Variants in BTBD9 observed in about 807,000 individuals in gnomAD.
The protein encoded by BTBD9 is BTB/POZ domain-containing protein 9.
A neutral mutation model predicts 64.3 loss-of-function variants in BTBD9; 49 were observed. The ratio of observed to expected loss-of-function variants is 0.76; its 90% CI spans 0.61 to 0.97. BTBD9 has a LOEUF of 0.97. BTBD9 is among the 50% of genes least tolerant of loss of function. The pLI is 0.00. For missense variants in BTBD9, 598 were observed against 762.1 expected (o/e 0.78, Z 2.53); for synonymous variants, 260 against 274.7 (o/e 0.95, Z 0.53).
At chr6:38,367,799 C>CAAAAAAAAAAAAAAAAAAAAAAAAAAAAA (rs575025737) in intron 6 of BTBD9, among the ~76,000 whole-genome samples, 1 of 84,296 alleles carries the variant, frequency 1.2e-5, no homozygotes, top group East Asian at 5.2e-4. Flanking sequence ...CCAGAAATGG[C>CAAAAAAAAAAAAAAAAAAAAAAAAAAAAA]AAAAAAAAAA....
At chr6:38,597,087 T>C (rs1777064261) in intron 2 of BTBD9, among the ~76,000 whole-genome samples, 1 of 152,198 alleles carries the variant, frequency 6.6e-6, no homozygotes. Context: ...CCATAGGAGC[T>C]CTAGCTACAG....
At chr6:38,538,592 C>T (rs1385656616) in intron 6 of BTBD9, among the ~76,000 whole-genome samples, 2 of 151,994 alleles carry the variant, frequency 1.3e-5, no homozygotes, top group Non-Finnish European at 2.9e-5. Context: ...TTTTTCATCA[C>T]AATTTACCTT....
intron 6 of BTBD9, 94 bp downstream of exon 6, chr6:38,577,506 T>A: frequency 3.1e-6 from 4 of 1,285,596 alleles, no homozygotes; most frequent in Non-Finnish European, 3.2e-6. Flanking sequence ...CCTGAATAAC[T>A]CTTTTTTCAA....
chr6:38,358,205 T>G (rs537828668), intron 6 of BTBD9, among the ~76,000 whole-genome samples: 1 of 151,956 alleles, frequency 6.6e-6, no homozygotes, highest in Non-Finnish European at 1.5e-5. Context: ...GAACAATCAC[T>G]ATATTCCACA....
intron 9 of BTBD9, among the ~76,000 whole-genome samples, chr6:38,223,107 A>G (rs1174946033): frequency 6.6e-6 from 1 of 151,976 alleles, no homozygotes; most frequent in Non-Finnish European, 1.5e-5. Context: ...AGGTTTCACC[A>G]TGTTGGCCAG....
intron 4 of BTBD9, among the ~76,000 whole-genome samples, chr6:38,589,957 C>T (rs1364072447): frequency 6.6e-6 from 1 of 152,288 alleles, no homozygotes; most frequent in East Asian, 1.9e-4. Flanking sequence ...TTTTTTACTT[C>T]TTTTTCTATA....
chr6:38,368,675 G>A (rs760994310), intron 6 of BTBD9, among the ~76,000 whole-genome samples: 4 of 152,044 alleles, frequency 2.6e-5, no homozygotes, highest in Non-Finnish European at 5.9e-5. Context: ...GAATCTGACA[G>A]AAGTTATGAA....
intron 10 of BTBD9, among the ~76,000 whole-genome samples, chr6:38,180,242 G>A (rs943462097): frequency 3.9e-5 from 6 of 152,216 alleles, no homozygotes; most frequent in Non-Finnish European, 5.9e-5. Flanking sequence ...TCTTGGGAGC[G>A]GGAGTGAAAA....
chr6:38,522,543 C>A (rs946170256), intron 6 of BTBD9, among the ~76,000 whole-genome samples: 7 of 152,224 alleles, frequency 4.6e-5, no homozygotes, highest in Admixed American at 1.3e-4. Context: ...TCTTTGGCTG[C>A]TTTGCCACAT....
chr6:38,409,249 CA>C (rs1007305867), intron 6 of BTBD9, among the ~76,000 whole-genome samples: 2 of 152,010 alleles, frequency 1.3e-5, no homozygotes, highest in Non-Finnish European at 2.9e-5. Flanking sequence ...GACTCCATCT[CA>C]AAACAAAACA....
chr6:38,397,344 T>C (rs929398157), intron 6 of BTBD9, among the ~76,000 whole-genome samples: 1 of 152,084 alleles, frequency 6.6e-6, no homozygotes, highest in Non-Finnish European at 1.5e-5. Flanking sequence ...GTTATTGCAA[T>C]GGAGATGTAG....
intron 9 of BTBD9, among the ~76,000 whole-genome samples, chr6:38,194,563 G>A (rs187158698): frequency 6.6e-6 from 1 of 152,322 alleles, no homozygotes; most frequent in Admixed American, 6.5e-5. Context: ...AGTGATTCTG[G>A]ACAGTTGGAA....
At chr6:38,453,245 C>T (rs1769640037) in intron 6 of BTBD9, among the ~76,000 whole-genome samples, 1 of 152,044 alleles carries the variant, frequency 6.6e-6, no homozygotes, top group African/African-American at 2.4e-5. Context: ...GAAAGCTCTC[C>T]CCGTAGAATT....
chr6:38,298,682 C>G lies in BTBD9; in HGVS notation c.1265-10221G>C, dbSNP rs541327330. Among the ~76,000 whole-genome samples the G allele has an allele frequency of 7.4e-4, 112 of 152,228 alleles. 1 individual carries two copies. The highest frequency in any genetic ancestry group is 1.3e-3 in the Non-Finnish European group (89 of 68,024). On this transcript the variant is annotated intron_variant, in intron 7 of 10. Coordinates refer to ENST00000481247, the MANE Select transcript of BTBD9 (RefSeq NM_001099272.2). ...TCCCAACCCCAAACACACACAAAAC[C>G]TTCCCAGCCTCTGATGCCTATTTCT...
intron 6 of BTBD9, among the ~76,000 whole-genome samples, chr6:38,477,309 T>G (rs989401502): frequency 6.6e-6 from 1 of 152,220 alleles, no homozygotes; most frequent in Non-Finnish European, 1.5e-5. Flanking sequence ...CTAAGAGCGA[T>G]TCACTTCAAC....
chr6:38,636,706 T>C (rs1328912683), intron 1 of BTBD9, among the ~76,000 whole-genome samples: 1 of 152,318 alleles, frequency 6.6e-6, no homozygotes, highest in African/African-American at 2.4e-5. Flanking sequence ...TTTCTGATTA[T>C]TCTACCTTCT....
chr6:38,335,811 G>A (rs913704864), intron 7 of BTBD9, among the ~76,000 whole-genome samples: 10 of 152,088 alleles, frequency 6.6e-5, no homozygotes, highest in South Asian at 4.1e-4. Context: ...TTGGCTCACC[G>A]CAACCTTTGC....
At chr6:38,220,336 G>A (rs1195298491) in intron 9 of BTBD9, among the ~76,000 whole-genome samples, 1 of 152,196 alleles carries the variant, frequency 6.6e-6, no homozygotes, top group African/African-American at 2.4e-5. Context: ...GGCTTTCTTT[G>A]AATAAGCTAC....
At chr6:38,353,084 T>C (rs1764585725) in intron 6 of BTBD9, among the ~76,000 whole-genome samples, 1 of 152,224 alleles carries the variant, frequency 6.6e-6, no homozygotes, top group African/African-American at 2.4e-5. Context: ...TTCTACCTTC[T>C]GGAATAAAAG....
Sources: allele counts gnomAD v4.1 joint callset (sites outside exome capture counted in the v4.1 genomes callset), GRCh38; gene constraint gnomAD v4.1.1; transcripts MANE v1.5; gene names NCBI Gene and HGNC (gene_info 2026-07-23, HGNC 2026-07-21).